SPAG17: variants seen among roughly 807,000 people sequenced by gnomAD.
The protein encoded by SPAG17 is sperm associated antigen 17, also known as sperm-associated antigen 17.
SPAG17 carries 169 observed loss-of-function variants against 273.6 expected under a neutral mutation model. The observed-to-expected ratio is 0.62, with a 90% CI of 0.55 to 0.70. The LOEUF is 0.70. Among genes scored for constraint, SPAG17 ranks in the 30% least tolerant of loss-of-function variants. The pLI, the probability that SPAG17 is intolerant of heterozygous loss-of-function variation, is 0.00. For missense variants in SPAG17, 2,557 were observed against 2,627.8 expected (o/e 0.97, Z 0.59); for synonymous variants, 825 against 873.2 (o/e 0.94, Z 0.97).
At chr1:118,134,307 G>A (rs1249103645) in intron 3 of SPAG17, among the ~76,000 whole-genome samples, 1 of 152,088 alleles carries the variant, frequency 6.6e-6, no homozygotes, top group African/African-American at 2.4e-5. Flanking sequence ...TAACATCACA[G>A]TATGTGGAAA....
At chr1:118,026,411 C>A (rs1183700035) in intron 26 of SPAG17, among the ~76,000 whole-genome samples, 2 of 152,132 alleles carry the variant, frequency 1.3e-5, no homozygotes, top group South Asian at 4.1e-4. Flanking sequence ...GGAATTAACA[C>A]ATAATGATAG....
intron 3 of SPAG17, among the ~76,000 whole-genome samples, chr1:118,131,289 C>T (rs576603193): frequency 1.3e-5 from 2 of 152,300 alleles, no homozygotes; most frequent in South Asian, 4.1e-4. Flanking sequence ...TGCCTCAGAG[C>T]CTTTGCTTTT....
chr1:117,991,635 G>A, intron 36 of SPAG17, 107 bp from the exon 37 acceptor site: 1 of 630,412 alleles, frequency 1.6e-6, no homozygotes, highest in Non-Finnish European at 2.6e-6. Context: ...GAATATATAG[G>A]TTTACAGTGC....
chr1:118,028,492 G>T, intron 25 of SPAG17, 98 bp from the exon 26 acceptor site: 2 of 1,474,628 alleles, frequency 1.4e-6, no homozygotes, highest in South Asian at 2.7e-5. Context: ...CTCAGGACAT[G>T]ACTTGCACAG....
Position 118,079,796 on chromosome 1 carries a change from C to T in SPAG17, c.2209+1305G>A, listed in dbSNP as rs143086091. Among the ~76,000 whole-genome samples, 217 of 152,140 alleles carry T rather than the reference C, an allele frequency of 1.4e-3. 1 individual carries two copies. Among genetic ancestry groups the T allele is most frequent in the Middle Eastern group, 6.8e-3 (2 of 292 alleles). On this transcript the variant is annotated intron_variant, in intron 15 of 48. Transcript: ENST00000336338. ...TTAGCTGCATTCTATAGTTTTGATA[C>T]TCAGTTTTTCATTATCATTTGGTTT...
intron 31 of SPAG17, 78 bp from the exon 32 acceptor site, chr1:118,005,680 G>A (rs1257405064): frequency 9.8e-7 from 1 of 1,021,508 alleles, no homozygotes. Flanking sequence ...CATTTTAGGA[G>A]AAAGAATACC....
chr1:118,156,726 G>T (rs1237790401), intron 1 of SPAG17, among the ~76,000 whole-genome samples: 1 of 151,864 alleles, frequency 6.6e-6, no homozygotes, highest in Non-Finnish European at 1.5e-5. Flanking sequence ...TCTCCTATTA[G>T]AAGGCATCTT....
intron 43 of SPAG17, 91 bp from the exon 44 acceptor site, chr1:117,973,652 C>A (rs1220036938): frequency 7.7e-7 from 1 of 1,306,800 alleles, no homozygotes; most frequent in East Asian, 2.6e-5. Flanking sequence ...CAGAAACCAA[C>A]TTGGAAACTT....
rs1207965049 is a variant in SPAG17, at chr1:118,089,354, T to TGTGTGTGTGTGTGTGTGTGA, written c.1359+2251_1359+2252insTCACACACACACACACACAC. On this transcript the variant is annotated intron_variant, in intron 10 of 48. Coordinates refer to ENST00000336338, the MANE Select transcript of SPAG17 (RefSeq NM_206996.4). Reference sequence around the variant, plus strand: ...TGACGTGTGTGTGTGTGTGTGTGTGTGGTGGCAGGTAGGAGGTGAGATGAC... The same window carrying TGTGTGTGTGTGTGTGTGTGA: ...TGACGTGTGTGTGTGTGTGTGTGTGTGTGTGTGTGTGTGTGTGTGAGGTGGCAGGTAGGAGGTGAGATGAC... 2.3e-3 allele frequency among the ~76,000 whole-genome samples: 354 copies of TGTGTGTGTGTGTGTGTGTGA among 150,742 alleles called. 2 individuals are homozygous for TGTGTGTGTGTGTGTGTGTGA. Among genetic ancestry groups the TGTGTGTGTGTGTGTGTGTGA allele is most frequent in the African/African-American group, 8.0e-3 (330 of 41,036 alleles).
intron 36 of SPAG17, 94 bp downstream of exon 36, chr1:117,992,372 G>T: frequency 8.1e-7 from 1 of 1,238,390 alleles, no homozygotes; most frequent in Non-Finnish European, 1.1e-6. Flanking sequence ...ACAAATATTG[G>T]TAGAATTACA....
chr1:118,023,581 T>C, intron 27 of SPAG17, 118 bp from the exon 28 acceptor site: 1 of 958,060 alleles, frequency 1.0e-6, no homozygotes. Context: ...AAATGCTGTT[T>C]GCAGACCTCC....
At chr1:117,985,901 C>T (rs151122851) in intron 40 of SPAG17, among the ~76,000 whole-genome samples, 1 of 152,256 alleles carries the variant, frequency 6.6e-6, no homozygotes, top group East Asian at 1.9e-4. Flanking sequence ...TGCTTGCCTC[C>T]AAACCCATGG....
chr1:118,074,692 T>C (rs1034983423), intron 15 of SPAG17, 92 bp from the exon 16 acceptor site: 24 of 1,156,220 alleles, frequency 2.1e-5, no homozygotes, highest in East Asian at 1.4e-4. Context: ...CCATATGATC[T>C]ATGTTTCTGT....
At chr1:118,183,176 T>C (rs1381438298) in intron 1 of SPAG17, among the ~76,000 whole-genome samples, 1 of 152,026 alleles carries the variant, frequency 6.6e-6, no homozygotes, top group Non-Finnish European at 1.5e-5. Context: ...CACACACACA[T>C]AATACAACAC....
At chr1:117,973,934 G>A (rs1038151792) in intron 43 of SPAG17, among the ~76,000 whole-genome samples, 1 of 152,110 alleles carries the variant, frequency 6.6e-6, no homozygotes, top group African/African-American at 2.4e-5. Context: ...TGGGTTTTCT[G>A]TCATTAATCT....
In SPAG17 at chr1:118,039,370, T is replaced by C. The variant is rs1165058917; in HGVS notation, c.3241A>G (p.Ile1081Val). ...FMIHLNDPKE[I>V]VKKEEKGDYY... Reference sequence around the variant, plus strand: ...TCCCCTTTCTCTTCCTTTTTCACAATTTCCTTAGGGTCATTTAAATGAATC... The same window carrying C: ...TCCCCTTTCTCTTCCTTTTTCACAACTTCCTTAGGGTCATTTAAATGAATC... Residue 1081 changes from isoleucine (I) to valine (V), a missense_variant, in exon 23 of 49, where the codon ATT becomes GTT. By Grantham distance (29) the Ile-to-Val change is conservative. Coordinates refer to ENST00000336338, the MANE Select transcript of SPAG17 (RefSeq NM_206996.4). 6.2e-7 allele frequency: 1 copy of C among 1,613,352 alleles called. No homozygotes were observed. Among genetic ancestry groups the C allele is most frequent in the Non-Finnish European group, 8.5e-7 (1 of 1,179,638 alleles).
chr1:118,185,044 G>T lies in SPAG17; in HGVS notation c.87+27C>A, dbSNP rs753085169. 6.2e-6 allele frequency: 10 copies of T among 1,605,474 alleles called. No individual in the cohort carries two copies. In the South Asian group the frequency reaches 8.8e-5, roughly 14 times the overall value. On this transcript the variant is annotated intron_variant, in intron 1 of 48. Coordinates refer to ENST00000336338, the MANE Select transcript of SPAG17 (RefSeq NM_206996.4). ...GGGCCTCTGGCATTGCCGGGGGCAGGGAGGGCTTAAAGGGCTCAAGGCTCA... is the reference window on the plus strand; with the variant it reads ...GGGCCTCTGGCATTGCCGGGGGCAGTGAGGGCTTAAAGGGCTCAAGGCTCA...
At chr1:117,995,695 AACACACACACACACACAC>A (rs10570645) in intron 34 of SPAG17, among the ~76,000 whole-genome samples, 2 of 140,748 alleles carry the variant, frequency 1.4e-5, no homozygotes, top group Admixed American at 7.1e-5. Context: ...AAGATGAAAT[AACACACACACACACACAC>A]ACACACACAC....
intron 1 of SPAG17, among the ~76,000 whole-genome samples, chr1:118,153,062 G>C (rs981114796): frequency 7.2e-5 from 11 of 152,186 alleles, no homozygotes; most frequent in African/African-American, 2.7e-4. Flanking sequence ...AGTTAATGGT[G>C]ACAAGAAAAG....
Sources: gnomAD v4.1 joint callset for allele counts (sites outside exome capture counted in the v4.1 genomes callset) on GRCh38, gnomAD v4.1.1 for gene constraint, MANE v1.5 for transcripts, NCBI Gene and HGNC (gene_info 2026-07-23, HGNC 2026-07-21) for gene names.